The following FAM76B variants were observed in gnomAD, a reference collection of about 807,000 sequenced individuals.
The protein encoded by FAM76B is family with sequence similarity 76 member B.
FAM76B carries 16 observed loss-of-function variants against 51.8 expected under a neutral mutation model. The observed-to-expected ratio is 0.31, with a 90% CI of 0.21 to 0.47. The LOEUF is 0.47. FAM76B is among the 20% of genes least tolerant of loss of function. The pLI, the probability that FAM76B is intolerant of heterozygous loss-of-function variation, is 1.00. For missense variants in FAM76B, 342 were observed against 392.6 expected (o/e 0.87, Z 1.09); for synonymous variants, 166 against 129.5 (o/e 1.28, Z -1.91).
rs951026844 is a variant in FAM76B, at chr11:95,769,432, A to T, written c.*2129T>A. 10 of 152,290 alleles carry T rather than the reference A, an allele frequency of 6.6e-5. No individual in the cohort carries two copies. Among genetic ancestry groups the T allele is most frequent in the African/African-American group, 2.4e-4 (10 of 41,408 alleles). 9.4% of individuals were successfully genotyped at this position (152,290 alleles called of 1,614,324 possible). ...AAAGGGTTTTAGCCTTGGAATTTAC[A>T]AAGCTAAATTATTAGACTGTTAATG... On this transcript the variant is annotated 3_prime_UTR_variant, in exon 10 of 10. Transcript: ENST00000358780.
Position 95,783,080 on chromosome 11 carries a change from C to T in FAM76B, c.548G>A (p.Ser183Asn). 1 of 1,613,654 alleles carries T rather than the reference C, an allele frequency of 6.2e-7. No individual in the cohort carries two copies. Among genetic ancestry groups the T allele is most frequent in the Non-Finnish European group, 8.5e-7 (1 of 1,179,776 alleles). ...HHHHHHHHRHSSSHHKISNLS... is the reference protein window; with the variant it reads ...HHHHHHHHRHNSSHHKISNLS... ...AAGTACTTACTTGTGATGGCTACTG[C>T]TGTGACGATGGTGATGGTGATGATG... The change falls in exon 5 of 10, where the codon AGC (serine) becomes AAC (asparagine). Residue 183 changes from serine to asparagine, a missense_variant. Transcript: ENST00000358780.
rs1859703622 is a variant in FAM76B at position 95,770,111 on chromosome 11, C to G, written c.*1450G>C. 1.3e-5 allele frequency: 2 copies of G among 151,472 alleles called. No homozygotes were observed. The highest frequency in any genetic ancestry group is 4.8e-5 in the African/African-American group (2 of 41,358). 9.4% of individuals were successfully genotyped at this position (151,472 alleles called of 1,614,324 possible). ...TTTGCCCATAAATTATTAAGAGAAG[C>G]AACTCACTCTATACAGTGTATCTAG... On this transcript the variant is annotated 3_prime_UTR_variant, in exon 10 of 10. Transcript: ENST00000358780.
At position 95,787,551 on chromosome 11, in the gene FAM76B, T is replaced by C. The variant is rs150255193; in HGVS notation, c.207+73A>G. 5 of 1,473,456 alleles carry C rather than the reference T, an allele frequency of 3.4e-6. No homozygotes were observed. The African/African-American group carries it at 7.0e-5, about 20-fold the overall frequency. 91.3% of individuals were successfully genotyped at this position (1,473,456 alleles called of 1,614,324 possible). A position where few individuals can be genotyped will look rare whatever the true frequency, so the allele number is the denominator to read the frequency against. On this transcript the variant is annotated intron_variant, in intron 3 of 9. Coordinates refer to ENST00000358780, the MANE Select transcript of FAM76B (RefSeq NM_144664.5). The stretch of plus-strand genomic sequence containing the variant: ...CACTGTGCCCAGCCAGCAGTACATA[T>C]TTTTTTAAAAGGTCCAGCTTTATGA...
chr11:95,784,105 C>T (rs1860422986), intron 4 of FAM76B, among the ~76,000 whole-genome samples: 1 of 152,142 alleles, frequency 6.6e-6, no homozygotes, highest in South Asian at 2.1e-4. Context: ...TACTATGCAG[C>T]TATAGACAAG....
At chr11:95,776,610 AAAG>A (rs888495153) in intron 8 of FAM76B, among the ~76,000 whole-genome samples, 3 of 151,422 alleles carry the variant, frequency 2.0e-5, no homozygotes, top group Admixed American at 1.3e-4. Context: ...ATGAGAAAGG[AAAG>A]AAGGTTACTA....
intron 9 of FAM76B, among the ~76,000 whole-genome samples, chr11:95,774,545 T>G (rs977322033): frequency 6.6e-6 from 1 of 151,492 alleles, no homozygotes; most frequent in African/African-American, 2.4e-5. Context: ...TATCTCATTC[T>G]GGATTTACTT....
At chr11:95,775,883 C>A in intron 9 of FAM76B, 39 bp downstream of exon 9, 2 of 1,384,094 alleles carry the variant, frequency 1.4e-6, no homozygotes, top group Non-Finnish European at 9.9e-7. Flanking sequence ...CAAGTTTAGC[C>A]CTTCTTGCCT....
intron 5 of FAM76B, among the ~76,000 whole-genome samples, chr11:95,781,986 T>C (rs1380507212): frequency 1.3e-5 from 2 of 152,334 alleles, no homozygotes; most frequent in African/African-American, 4.8e-5. Context: ...ATCAGTTGTT[T>C]GTAAATTCTG....
chr11:95,777,296 C>G (rs899875012), intron 8 of FAM76B, among the ~76,000 whole-genome samples: 1 of 151,236 alleles, frequency 6.6e-6, no homozygotes, highest in Non-Finnish European at 1.5e-5. Flanking sequence ...TACAACAATG[C>G]TAATTTCAAT....
intron 2 of FAM76B, among the ~76,000 whole-genome samples, chr11:95,788,218 T>G (rs2083622272): frequency 6.6e-6 from 1 of 152,232 alleles, no homozygotes; most frequent in African/African-American, 2.4e-5. Context: ...TTTTTTTAGT[T>G]TAACATAACT....
chr11:95,783,382 G>GT, intron 4 of FAM76B, 118 bp from the exon 5 acceptor site: 2 of 744,696 alleles, frequency 2.7e-6, no homozygotes, highest in Non-Finnish European at 4.4e-6. Flanking sequence ...ACAAATGCAT[G>GT]TATGCACATA....
At position 95,778,829 on chromosome 11, in the gene FAM76B, T is replaced by C. The variant is rs778537063; in HGVS notation, c.821A>G (p.Asp274Gly). 6.2e-7 allele frequency: 1 copy of C among 1,600,034 alleles called. No individual in the cohort carries two copies. Among genetic ancestry groups the C allele is most frequent in the Non-Finnish European group, 8.5e-7 (1 of 1,174,910 alleles). ...AATGAACCATGTTCTTACCTTTTTA[T>C]CTTTTTCTAAAATGGTCTGGTCTCT... ...QQRDQTILEK[D>G]KKLTELKADF... Residue 274 changes from aspartate (D) to glycine (G), a missense_variant, in exon 8 of 10, where the codon GAT becomes GGT. Physicochemically the swap from Asp to Gly is moderately conservative, Grantham distance 94. Around this residue, in one of 3 missense-constraint regions of FAM76B, gnomAD observed 230 missense variants for 257.4 expected, o/e 0.89. Transcript: ENST00000358780.
intron 8 of FAM76B, among the ~76,000 whole-genome samples, chr11:95,776,870 A>C (rs1860034652): frequency 6.6e-6 from 1 of 151,284 alleles, no homozygotes; most frequent in South Asian, 2.1e-4. Context: ...CCAGTATCTA[A>C]TAAACTGAAA....
At position 95,785,142 on chromosome 11, in the gene FAM76B, A is replaced by T. The variant is rs1397464100; in HGVS notation, c.363+977T>A. Among the ~76,000 whole-genome samples, 12 of 152,340 alleles carry T rather than the reference A, an allele frequency of 7.9e-5. No homozygotes were observed. The South Asian group carries it at 2.5e-3, about 32-fold the overall frequency. ...ACATTCATATAACTGTAACTAGGGT[A>T]TGCTAATATAATTGTTCTATTTTGT... On this transcript the variant is annotated intron_variant, in intron 4 of 9. Transcript: ENST00000358780.
chr11:95,783,589 T>C (rs1044788712), intron 4 of FAM76B, among the ~76,000 whole-genome samples: 1 of 152,218 alleles, frequency 6.6e-6, no homozygotes, highest in South Asian at 2.1e-4. Flanking sequence ...CCAAGAAATA[T>C]AGCCTGAATT....
chr11:95,789,318 G>A (rs1860841481), intron 1 of FAM76B, 74 bp downstream of exon 1: 16 of 1,476,084 alleles, frequency 1.1e-5, no homozygotes, highest in South Asian at 4.8e-5. Flanking sequence ...AGGGGCTGCA[G>A]TGCAGCGGCT....
At chr11:95,775,512 G>C (rs1859959286) in intron 9 of FAM76B, among the ~76,000 whole-genome samples, 1 of 151,424 alleles carries the variant, frequency 6.6e-6, no homozygotes, top group African/African-American at 2.4e-5. Context: ...TTAAGAATTG[G>C]TTTTATACAC....
intron 9 of FAM76B, 56 bp downstream of exon 9, chr11:95,775,866 T>C (rs975264525): frequency 4.4e-6 from 5 of 1,148,568 alleles, no homozygotes; most frequent in Non-Finnish European, 6.1e-6. Flanking sequence ...CAATGAATGC[T>C]ATTACTCAAG....
intron 1 of FAM76B, 132 bp downstream of exon 1, chr11:95,789,260 G>T: frequency 9.6e-7 from 1 of 1,040,944 alleles, no homozygotes. Context: ...GTCCCCGAGT[G>T]GGGAGGCGAG....
Sources: allele counts gnomAD v4.1 joint callset (sites outside exome capture counted in the v4.1 genomes callset), GRCh38; gene constraint gnomAD v4.1.1; regional missense constraint gnomAD v4.1.1; transcripts MANE v1.5; gene names NCBI Gene and HGNC (gene_info 2026-07-23, HGNC 2026-07-21).